GPHN: variants seen among roughly 807,000 people sequenced by gnomAD.
The protein encoded by GPHN is gephyrin.
A neutral mutation model predicts 95.5 loss-of-function variants in GPHN; 17 were observed. The ratio of observed to expected loss-of-function variants is 0.18; its 90% CI spans 0.12 to 0.27. GPHN has a LOEUF of 0.27. Among genes scored for constraint, GPHN ranks in the 10% least tolerant of loss-of-function variants. The pLI is 1.00. For missense variants in GPHN, 660 were observed against 978.1 expected, an observed-to-expected ratio of 0.67 and a Z score of 4.34; for synonymous variants, 320 against 322.5, an observed-to-expected ratio of 0.99 and a Z score of 0.08.
chr14:67,455,115 G>C, the GPHN span, among the ~76,000 whole-genome samples: 5 of 152,204 alleles, frequency 3.3e-5, no homozygotes, highest in African/African-American at 1.2e-4. Context: ...CTACCAAAGT[G>C]CTGGGATTAT....
chr14:66,974,842 AT>A (rs2070105830), intron 9 of GPHN, among the ~76,000 whole-genome samples: 1 of 152,196 alleles, frequency 6.6e-6, no homozygotes, highest in Non-Finnish European at 1.5e-5. Context: ...AGGCCTGATG[AT>A]GAATCACTTA....
chr14:66,962,808 G>A (rs957275593), intron 8 of GPHN, among the ~76,000 whole-genome samples: 3 of 150,312 alleles, frequency 2.0e-5, no homozygotes, highest in Non-Finnish European at 3.0e-5. Flanking sequence ...CACCCATCTC[G>A]ATTTGCCTCT....
chr14:67,134,910 C>T (rs1465761251), intron 17 of GPHN, among the ~76,000 whole-genome samples: 3 of 111,462 alleles, frequency 2.7e-5, no homozygotes, highest in East Asian at 2.5e-4. Context: ...TCTTTCCTTT[C>T]TCTCTCTTTC....
At chr14:67,541,707 C>G in the GPHN span, 1 of 606,026 alleles carries the variant, frequency 1.7e-6, no homozygotes, top group South Asian at 2.3e-5. Context: ...CAATTCTCTT[C>G]CCCAGCCCTG....
At chr14:67,023,440 A>G (rs1291736545) in intron 9 of GPHN, among the ~76,000 whole-genome samples, 193 bp from the exon 10 acceptor site, 1 of 152,126 alleles carries the variant, frequency 6.6e-6, no homozygotes. Context: ...TCTGGAAGTC[A>G]GTTCTTTCTT....
the GPHN span, among the ~76,000 whole-genome samples, chr14:67,211,245 A>G: frequency 1.3e-5 from 2 of 152,218 alleles, no homozygotes; most frequent in African/African-American, 2.4e-5. Flanking sequence ...AGGTATAGAT[A>G]TAGATAAAAT....
chr14:67,512,501 A>G, the GPHN span, among the ~76,000 whole-genome samples: 2 of 152,206 alleles, frequency 1.3e-5, no homozygotes, highest in Admixed American at 1.3e-4. Context: ...AAATACACCC[A>G]GACCACCTTG....
intron 1 of GPHN, among the ~76,000 whole-genome samples, chr14:66,632,949 C>T (rs2063900139): frequency 6.6e-6 from 1 of 152,184 alleles, no homozygotes; most frequent in East Asian, 1.9e-4. Context: ...CCAGTTTGGT[C>T]TGCTTACTCA....
chr14:66,845,782 T>C (rs1430976558), intron 4 of GPHN, among the ~76,000 whole-genome samples: 1 of 151,490 alleles, frequency 6.6e-6, no homozygotes, highest in Non-Finnish European at 1.5e-5. Flanking sequence ...TTCAGTAGGT[T>C]TGGAATTCGG....
chr14:67,610,280 GTT>G, the GPHN span, among the ~76,000 whole-genome samples: 1 of 152,122 alleles, frequency 6.6e-6, no homozygotes, highest in Non-Finnish European at 1.5e-5. Flanking sequence ...GGTTTTTGTT[GTT>G]TTTTGTTTTT....
intron 1 of GPHN, among the ~76,000 whole-genome samples, chr14:66,525,340 G>T (rs2058646816): frequency 6.6e-6 from 1 of 151,634 alleles, no homozygotes; most frequent in Non-Finnish European, 1.5e-5. Context: ...TTTTGGTGGG[G>T]TTGTTTTTTT....
intron 2 of GPHN, among the ~76,000 whole-genome samples, chr14:66,712,431 G>A (rs1010517262): frequency 6.6e-6 from 1 of 152,088 alleles, no homozygotes; most frequent in African/African-American, 2.4e-5. Flanking sequence ...TTGTTGATGG[G>A]GTTGGTTTTT....
intron 12 of GPHN, among the ~76,000 whole-genome samples, chr14:67,097,352 T>TA (rs2077452069): frequency 6.6e-6 from 1 of 152,174 alleles, no homozygotes; most frequent in Non-Finnish European, 1.5e-5. Context: ...GGAGCCAACA[T>TA]ATGAGTTATC....
the GPHN span, among the ~76,000 whole-genome samples, chr14:67,403,058 T>C: frequency 6.6e-6 from 1 of 152,202 alleles, no homozygotes; most frequent in South Asian, 2.1e-4. Flanking sequence ...AGGGTTCCCT[T>C]TTCTCCATAT....
chr14:66,805,386 C>T (rs2060505965), intron 3 of GPHN, among the ~76,000 whole-genome samples: 1 of 152,152 alleles, frequency 6.6e-6, no homozygotes. Flanking sequence ...CCCCTGGCCC[C>T]TCCCAAATCT....
At position 67,144,286 on chromosome 14, in the gene GPHN, T is replaced by TACATACATATATATATATATATATATAC. The variant is rs2080764080; in HGVS notation, c.1836+840_1836+841insTACATATATATATATATATATATACACA. On this transcript the variant is annotated intron_variant, in intron 18 of 22. Transcript: ENST00000478722. The stretch of plus-strand genomic sequence containing the variant: ...ATATATATATATATATATATATATA[T>TACATACATATATATATATATATATATAC]ACACACACACATACACAAATATTTT... Among the ~76,000 whole-genome samples, 20 of 78,122 alleles carry TACATACATATATATATATATATATATAC rather than the reference T, an allele frequency of 2.6e-4. 2 individuals are homozygous for TACATACATATATATATATATATATATAC. The highest frequency in any genetic ancestry group is 1.1e-3 in the African/African-American group (17 of 15,664). The allele number at this position is 78,122 out of a possible 152,430, so 51.3% of individuals were successfully genotyped here. A position where few individuals can be genotyped will look rare whatever the true frequency, so the allele number is the denominator to read the frequency against.
chr14:67,534,629 C>T, the GPHN span, among the ~76,000 whole-genome samples: 39 of 152,232 alleles, frequency 2.6e-4, no homozygotes, highest in Non-Finnish European at 3.5e-4. Context: ...TTCCCATAGA[C>T]TGCTGAGGGG....
At chr14:66,537,220 G>A (rs1207601500) in intron 1 of GPHN, among the ~76,000 whole-genome samples, 4 of 151,806 alleles carry the variant, frequency 2.6e-5, no homozygotes, top group African/African-American at 4.8e-5. Flanking sequence ...GTTGTAATAG[G>A]TATTCTATTT....
At chr14:67,339,277 A>G in the GPHN span, among the ~76,000 whole-genome samples, 1 of 152,150 alleles carries the variant, frequency 6.6e-6, no homozygotes, top group East Asian at 1.9e-4. Context: ...GATTACAGGC[A>G]TGAGCCACCG....
Sources: allele counts gnomAD v4.1 joint callset (sites outside exome capture counted in the v4.1 genomes callset), GRCh38; gene constraint gnomAD v4.1.1; transcripts MANE v1.5; gene names NCBI Gene and HGNC (gene_info 2026-07-23, HGNC 2026-07-21).